TTC34: variants seen among roughly 807,000 people sequenced by gnomAD.
TTC34 encodes tetratricopeptide repeat domain 34.
In TTC34, 44 loss-of-function variants were observed where a neutral mutation model predicts 40.7. That is an observed-to-expected ratio of 1.08 (90% CI 0.85 to 1.39). The LOEUF (loss-of-function observed/expected upper bound fraction) is 1.39. Among genes scored for constraint, TTC34 ranks in the 40% most tolerant of loss-of-function variants. TTC34 has a pLI of 0.00. For synonymous variants in TTC34, 422 were observed against 398.6 expected, an observed-to-expected ratio of 1.06 and a Z score of -0.70; for missense variants, 884 against 838.0, an observed-to-expected ratio of 1.05 and a Z score of -0.68.
At position 2,688,303 on chromosome 1, in the gene TTC34, C is replaced by T. The variant is rs866348591; in HGVS notation, c.2227-42740G>A. 5.7e-3 allele frequency among the ~76,000 whole-genome samples: 678 copies of T among 118,478 alleles called. 1 individual carries two copies. Among genetic ancestry groups the T allele is most frequent in the African/African-American group, 0.025 (645 of 26,054 alleles). 77.7% of individuals were successfully genotyped at this position (118,478 alleles called of 152,430 possible). On this transcript the variant is annotated intron_variant, in intron 6 of 8. Coordinates refer to ENST00000401095, the Ensembl canonical transcript of TTC34. ...AGCACCCACACTCCCAGGCGAGCAT[C>T]TGACAGCCTGGAGCAGAACCCCACA...
At chr1:2,759,141 A>G (rs1160244163) in intron 6 of TTC34, among the ~76,000 whole-genome samples, 991 of 8,524 alleles carry the variant, frequency 0.12, no homozygotes, top group East Asian at 0.21. Context: ...CTGACAGCCT[A>G]GAACAGCACC....
intron 6 of TTC34, among the ~76,000 whole-genome samples, chr1:2,752,512 G>A (rs1641356572): frequency 3.2e-4 from 45 of 140,930 alleles, no homozygotes; most frequent in Admixed American, 4.3e-4. Context: ...GCATCTGACA[G>A]CCTGGAGCAG....
At chr1:2,641,170 G>C in exon 9 of TTC34, 1 of 449,574 alleles carries the variant, frequency 2.2e-6, no homozygotes, top group Admixed American at 4.9e-5. Flanking sequence ...GTGGGAAGGG[G>C]GGCTGTGGGG....
In TTC34 at chr1:2,645,587, G is replaced by GGGGGGGGGCCCC; in HGVS notation, c.2227-25_2227-24insGGGGCCCCCCCC. ...TCCTGCAAGGAGGGAGGGCGGGCGG[G>GGGGGGGGGCCCC]TGCAGAGTTGTCCTAAGTAGAGAAA... On this transcript the variant is annotated intron_variant, in intron 6 of 8. Transcript: ENST00000401095. This position sits in a 1 kb window ranked among gnomAD's most constrained non-coding sequence, Gnocchi z 4.7. The GGGGGGGGGCCCC allele has an allele frequency of 4.4e-6, 1 of 229,532 alleles. No individual in the cohort carries two copies. The highest frequency in any genetic ancestry group is 8.6e-6 in the Non-Finnish European group (1 of 116,454). 14.2% of individuals were successfully genotyped at this position (229,532 alleles called of 1,614,324 possible). A position where few individuals can be genotyped will look rare whatever the true frequency, so the allele number is the denominator to read the frequency against.
intron 6 of TTC34, among the ~76,000 whole-genome samples, chr1:2,687,846 C>A (rs1375996743): frequency 8.0e-5 from 12 of 150,226 alleles, no homozygotes; most frequent in African/African-American, 2.7e-4. Flanking sequence ...ATTACCCACA[C>A]CCACAGTTGA....
chr1:2,788,496 C>A (rs1643621805), intron 3 of TTC34, among the ~76,000 whole-genome samples: 1 of 152,060 alleles, frequency 6.6e-6, no homozygotes, highest in Non-Finnish European at 1.5e-5. Flanking sequence ...ACCGCCCCCA[C>A]CCCCCGGACT....
chr1:2,684,981 T>G (rs1165279534), intron 6 of TTC34, among the ~76,000 whole-genome samples: 2 of 139,910 alleles, frequency 1.4e-5, no homozygotes, highest in East Asian at 2.1e-4. Context: ...TCTGACAGCT[T>G]AGAACAGCAC....
At chr1:2,790,478 C>G (rs1643651280) in intron 2 of TTC34, 132 bp from the exon 3 acceptor site, 2 of 397,284 alleles carry the variant, frequency 5.0e-6, no homozygotes, top group South Asian at 2.8e-4. Context: ...GCATCTCCCT[C>G]CAGTCTCCAG....
chr1:2,653,722 A>C (rs1442410270), intron 6 of TTC34, among the ~76,000 whole-genome samples: 8 of 151,706 alleles, frequency 5.3e-5, no homozygotes, highest in South Asian at 2.1e-4. Context: ...CTGGAGCAGC[A>C]CCCACAACCA....
rs139380188 is a variant in TTC34 at position 2,643,836 on chromosome 1, G to A, written c.2712+428C>T. ...GGTGAAATCCTGCCCAGGCCCCACT[G>A]GGGTGTAGTTCTGCCTCTGGGACCC... is the stretch of plus-strand genomic sequence containing the variant. On this transcript the variant is annotated intron_variant, in intron 8 of 8. Coordinates refer to ENST00000401095, the Ensembl canonical transcript of TTC34. Among the ~76,000 whole-genome samples, 24 of 152,322 alleles carry A rather than the reference G, an allele frequency of 1.6e-4. No individual in the cohort carries two copies. In the East Asian group the frequency reaches 4.4e-3, roughly 28 times the overall value.
chr1:2,756,895 C>G (rs1641525000), intron 6 of TTC34, among the ~76,000 whole-genome samples: 1 of 152,102 alleles, frequency 6.6e-6, no homozygotes, highest in African/African-American at 2.4e-5. Context: ...TGGTCTGGAG[C>G]AGTACCCACA....
At chr1:2,650,772 A>G (rs1212328751) in intron 6 of TTC34, among the ~76,000 whole-genome samples, 1 of 150,800 alleles carries the variant, frequency 6.6e-6, no homozygotes, top group Non-Finnish European at 1.5e-5. Flanking sequence ...GAAACCCTGG[A>G]TCAGCTCTCC....
rs1321351416 is a variant in TTC34 at position 2,789,641 on chromosome 1, C to CA, written c.1489dup (p.Trp497LeufsTer75). 7.3e-7 allele frequency: 1 copy of CA among 1,361,468 alleles called. No individual in the cohort carries two copies. Among genetic ancestry groups the CA allele is most frequent in the Non-Finnish European group, 9.4e-7 (1 of 1,060,672 alleles). 84.3% of individuals were successfully genotyped at this position (1,361,468 alleles called of 1,614,324 possible). A position where few individuals can be genotyped will look rare whatever the true frequency, so the allele number is the denominator to read the frequency against. ...CACCAGCAGCAGCCCCCGCTGGTTC[C>CA]AGGGCACGTAGGCCTTGGCGGCCAG... is the stretch of plus-strand genomic sequence containing the variant. On this transcript the variant is annotated frameshift_variant, in exon 3 of 9. Coordinates refer to ENST00000401095, the Ensembl canonical transcript of TTC34. LOFTEE classifies it high-confidence loss of function.
intron 2 of TTC34, among the ~76,000 whole-genome samples, chr1:2,795,380 G>A (rs938099698): frequency 7.2e-5 from 11 of 152,212 alleles, no homozygotes; most frequent in South Asian, 4.1e-4. Flanking sequence ...TGGCTTTACC[G>A]GACAAGAGAC....
chr1:2,752,755 C>T (rs1355033300), intron 6 of TTC34, among the ~76,000 whole-genome samples: 2 of 123,466 alleles, frequency 1.6e-5, no homozygotes, highest in African/African-American at 3.5e-5. Context: ...CATCTGACAG[C>T]GTGGAACAGC....
At chr1:2,797,852 C>T (rs957366962) in intron 2 of TTC34, among the ~76,000 whole-genome samples, 1 of 152,010 alleles carries the variant, frequency 6.6e-6, no homozygotes, top group South Asian at 2.1e-4. Flanking sequence ...AGAAAACGTT[C>T]CTGACCCTCC....
At chr1:2,749,631 G>A (rs1641253308) in intron 6 of TTC34, among the ~76,000 whole-genome samples, 1 of 102,794 alleles carries the variant, frequency 9.7e-6, no homozygotes, top group Admixed American at 9.9e-5. Context: ...ATGGTCTGGA[G>A]CAGCCCCCAC....
rs1269042171 is a variant in TTC34, at chr1:2,752,594, C to T, written c.2226+31015G>A. On this transcript the variant is annotated intron_variant, in intron 6 of 8. Transcript: ENST00000401095. ...GCACCCCCAGGTGAGAATCTGACAA[C>T]CTGGAACAGGACAAACACCCCCAGG... Among the ~76,000 whole-genome samples, 6 of 83,464 alleles carry T rather than the reference C, an allele frequency of 7.2e-5. 2 individuals carry two copies. Among genetic ancestry groups the T allele is most frequent in the Non-Finnish European group, 1.4e-4 (6 of 41,840 alleles). The allele number at this position is 83,464 out of a possible 152,430, so 54.8% of individuals were successfully genotyped here. A position where few individuals can be genotyped will look rare whatever the true frequency, so the allele number is the denominator to read the frequency against.
At chr1:2,753,292 G>A (rs1234234495) in intron 6 of TTC34, among the ~76,000 whole-genome samples, 41 of 55,350 alleles carry the variant, frequency 7.4e-4, no homozygotes, top group Middle Eastern at 0.021. Context: ...ACAGCACCCT[G>A]CACACCCAGG....
Sources: gnomAD v4.1 joint callset for allele counts (sites outside exome capture counted in the v4.1 genomes callset) on GRCh38, gnomAD v4.1.1 for gene constraint, Gnocchi (gnomAD v3.1) non-coding constraint, MANE v1.5 for transcripts, NCBI Gene and HGNC (gene_info 2026-07-23, HGNC 2026-07-21) for gene names.